UHRF2: variants seen among roughly 807,000 people sequenced by gnomAD.
The protein encoded by UHRF2 is E3 ubiquitin-protein ligase UHRF2.
UHRF2 carries 23 observed loss-of-function variants against 96.8 expected under a neutral mutation model. The ratio of observed to expected loss-of-function variants is 0.24; its 90% CI spans 0.17 to 0.34. UHRF2 has a LOEUF of 0.34. UHRF2 is among the 10% of genes least tolerant of loss of function. UHRF2 has a pLI of 1.00. For missense variants in UHRF2, 685 were observed against 981.5 expected (o/e 0.70, Z 4.04); for synonymous variants, 385 against 332.6 (o/e 1.16, Z -1.72).
At chr9:6,475,603 A>G in intron 5 of UHRF2, 103 bp downstream of exon 5, 1 of 504,312 alleles carries the variant, frequency 2.0e-6, no homozygotes, top group Non-Finnish European at 3.3e-6. Flanking sequence ...AAAACTGTAG[A>G]CCATACAAAT....
At chr9:6,478,031 G>A (rs1214879476) in intron 6 of UHRF2, among the ~76,000 whole-genome samples, 1 of 152,028 alleles carries the variant, frequency 6.6e-6, no homozygotes, top group Non-Finnish European at 1.5e-5. Context: ...TCTGATAATA[G>A]ACTCTGTGTT....
At chr9:6,489,345 A>G (rs1210196154) in intron 9 of UHRF2, among the ~76,000 whole-genome samples, 2 of 152,174 alleles carry the variant, frequency 1.3e-5, no homozygotes, top group South Asian at 2.1e-4. Flanking sequence ...TTGAGTTTTT[A>G]GCTATTACAG....
intron 3 of UHRF2, among the ~76,000 whole-genome samples, chr9:6,446,363 G>C (rs1821504491): frequency 6.6e-6 from 1 of 151,088 alleles, no homozygotes; most frequent in South Asian, 2.1e-4. Flanking sequence ...GGCTGGTCTC[G>C]AACTCATGGC....
At chr9:6,427,702 A>G (rs1378809361) in intron 2 of UHRF2, among the ~76,000 whole-genome samples, 5 of 152,150 alleles carry the variant, frequency 3.3e-5, no homozygotes, top group Non-Finnish European at 5.9e-5. Context: ...AGAAATTTTA[A>G]TCTGAAGTTA....
At chr9:6,429,589 C>G (rs951498974) in intron 2 of UHRF2, among the ~76,000 whole-genome samples, 1 of 152,176 alleles carries the variant, frequency 6.6e-6, no homozygotes, top group Non-Finnish European at 1.5e-5. Flanking sequence ...CCTCGGCCTC[C>G]CGAAGTGCTG....
intron 6 of UHRF2, among the ~76,000 whole-genome samples, chr9:6,480,495 G>T (rs1240798471): frequency 6.6e-6 from 1 of 152,156 alleles, no homozygotes; most frequent in Non-Finnish European, 1.5e-5. Flanking sequence ...TATTACTCTG[G>T]AATATATCTC....
chr9:6,498,201 T>C, intron 12 of UHRF2, 43 bp downstream of exon 12: 1 of 1,593,796 alleles, frequency 6.3e-7, no homozygotes, highest in East Asian at 2.2e-5. Flanking sequence ...TTCATAAAAA[T>C]ATACACCTCT....
chr9:6,444,491 T>G (rs967553992), intron 3 of UHRF2, among the ~76,000 whole-genome samples: 1 of 152,244 alleles, frequency 6.6e-6, no homozygotes, highest in Admixed American at 6.5e-5. Context: ...TCAAAGATGG[T>G]CAGAAACACT....
At chr9:6,465,541 A>G (rs757340283) in intron 4 of UHRF2, among the ~76,000 whole-genome samples, 1 of 152,176 alleles carries the variant, frequency 6.6e-6, no homozygotes, top group Non-Finnish European at 1.5e-5. Flanking sequence ...CTAGGAATTT[A>G]TCTATTGCAT....
Position 6,506,290 on chromosome 9 carries a change from A to G in UHRF2, c.*111A>G, listed in dbSNP as rs1003941071. The G allele has an allele frequency of 1.9e-5, 27 of 1,396,790 alleles. No homozygotes were observed. The African/African-American group carries it at 3.3e-4, about 17-fold the overall frequency. 86.5% of individuals were successfully genotyped at this position (1,396,790 alleles called of 1,614,324 possible). A position where few individuals can be genotyped will look rare whatever the true frequency, so the allele number is the denominator to read the frequency against. The stretch of plus-strand genomic sequence containing the variant: ...GACTGTATCTCTCACGTTCTGAAGC[A>G]GCTAATCCTCTTTCCCACATAGCCA... On this transcript the variant is annotated 3_prime_UTR_variant, in exon 16 of 16. Transcript: ENST00000276893.
chr9:6,413,689 A>C, intron 1 of UHRF2, 46 bp downstream of exon 1: 4 of 1,498,530 alleles, frequency 2.7e-6, no homozygotes, highest in East Asian at 2.7e-5. Flanking sequence ...GGGCCGGAAC[A>C]GCTGGGCTCC....
At chr9:6,480,444 C>T (rs538815829) in intron 6 of UHRF2, among the ~76,000 whole-genome samples, 1 of 152,308 alleles carries the variant, frequency 6.6e-6, no homozygotes, top group East Asian at 1.9e-4. Context: ...GAATCAATCC[C>T]AGAGATGACT....
At chr9:6,449,018 T>C (rs2130812690) in intron 3 of UHRF2, among the ~76,000 whole-genome samples, 1 of 152,326 alleles carries the variant, frequency 6.6e-6, no homozygotes, top group South Asian at 2.1e-4. Flanking sequence ...AATTTTGTCT[T>C]TACCTTTACC....
chr9:6,422,697 C>G lies in UHRF2; in HGVS notation c.384+1555C>G, dbSNP rs572955054. ...TGAACACGGCTCGCTGTAGCCTTGA[C>G]CTGCTGGGGTCAAGTGATCTTCCTG... is the stretch of plus-strand genomic sequence containing the variant. On this transcript the variant is annotated intron_variant, in intron 2 of 15. Coordinates refer to ENST00000276893, the MANE Select transcript of UHRF2 (RefSeq NM_152896.3). 2.4e-5 allele frequency: 14 copies of G among 577,224 alleles called. No homozygotes were observed. The East Asian group carries it at 4.5e-4, about 18-fold the overall frequency. The allele number at this position is 577,224 out of a possible 1,614,324, so 35.8% of individuals were successfully genotyped here. A position where few individuals can be genotyped will look rare whatever the true frequency, so the allele number is the denominator to read the frequency against.
rs770065064 is a variant in UHRF2, at chr9:6,413,579, A to G, written c.89A>G (p.Glu30Gly). 6.2e-7 allele frequency: 1 copy of G among 1,603,664 alleles called. No homozygotes were observed. Among genetic ancestry groups the G allele is most frequent in the Non-Finnish European group, 8.5e-7 (1 of 1,175,548 alleles). ...AAAGCCACGATTGAGGAGCTGCGCG[A>G]GCGGGTGTGGGCGCTGTTCGACGTG... ...SRKATIEELR[E>G]RVWALFDVRP... The change falls in exon 1 of 16, where the codon GAG becomes GGG. Residue 30 changes from glutamate (E) to glycine (G), a missense_variant. Coordinates refer to ENST00000276893, the MANE Select transcript of UHRF2 (RefSeq NM_152896.3).
intron 2 of UHRF2, among the ~76,000 whole-genome samples, chr9:6,430,321 T>C (rs1820497123): frequency 6.6e-6 from 1 of 152,194 alleles, no homozygotes; most frequent in South Asian, 2.1e-4. Flanking sequence ...TTAATGTGGC[T>C]ATATCTTTGA....
Position 6,481,982 on chromosome 9 carries a change from C to T in UHRF2, c.1285-10C>T, listed in dbSNP as rs747121284. 7 of 1,607,834 alleles carry T rather than the reference C, an allele frequency of 4.4e-6. No homozygotes were observed. Among genetic ancestry groups the T allele is most frequent in the Admixed American group, 1.7e-5 (1 of 58,780 alleles). On this transcript the variant is annotated splice_polypyrimidine_tract_variant and intron_variant, in intron 7 of 15. Coordinates refer to ENST00000276893, the MANE Select transcript of UHRF2 (RefSeq NM_152896.3). ...AACTGATTTCTCAACGTTTGTTTTG[C>T]GTCTTGTAGGGAATGGCTTGTGTTG...
At chr9:6,493,194 A>T (rs1035522985) in intron 9 of UHRF2, among the ~76,000 whole-genome samples, 1 of 152,088 alleles carries the variant, frequency 6.6e-6, no homozygotes, top group African/African-American at 2.4e-5. Context: ...GCTGCTTGGG[A>T]GGCTGAGGCA....
chr9:6,448,708 G>A (rs1008999128), intron 3 of UHRF2, among the ~76,000 whole-genome samples: 4 of 152,214 alleles, frequency 2.6e-5, no homozygotes, highest in Admixed American at 1.3e-4. Context: ...GTTTGAAAAT[G>A]TGGAGGTAAA....
Sources: gnomAD v4.1 joint callset for allele counts (sites outside exome capture counted in the v4.1 genomes callset) on GRCh38, gnomAD v4.1.1 for gene constraint, MANE v1.5 for transcripts, NCBI Gene and HGNC (gene_info 2026-07-23, HGNC 2026-07-21) for gene names.